Variants in TRIT1 observed in about 807,000 individuals in gnomAD.
The protein encoded by TRIT1 is tRNA dimethylallyltransferase.
A neutral mutation model predicts 51.2 loss-of-function variants in TRIT1; 43 were observed. The observed-to-expected ratio is 0.84, with a 90% CI of 0.66 to 1.08. The LOEUF (loss-of-function observed/expected upper bound fraction) is 1.08, where lower values mean the gene tolerates loss of function less well. Ranked by LOEUF, TRIT1 falls within the 50% of genes least tolerant of loss-of-function variation. The pLI is 0.00. For synonymous variants in TRIT1, 184 were observed against 203.9 expected, an observed-to-expected ratio of 0.90 and a Z score of 0.83; for missense variants, 528 against 578.4, an observed-to-expected ratio of 0.91 and a Z score of 0.89.
At chr1:39,847,320 G>A (rs1642287117) in intron 7 of TRIT1, 23 bp from the exon 8 acceptor site, 2 of 1,608,866 alleles carry the variant, frequency 1.2e-6, no homozygotes, top group Admixed American at 1.7e-5. Flanking sequence ...GTAGATTTAA[G>A]AACATCTAGG....
intron 8 of TRIT1, among the ~76,000 whole-genome samples, chr1:39,846,759 T>C (rs750803575): frequency 1.3e-5 from 2 of 152,226 alleles, no homozygotes; most frequent in Non-Finnish European, 2.9e-5. Flanking sequence ...GCTGTTCAAC[T>C]AAAGTTTCAT....
intron 1 of TRIT1, among the ~76,000 whole-genome samples, chr1:39,865,287 G>C (rs1394450424): frequency 1.3e-5 from 2 of 152,176 alleles, no homozygotes; most frequent in African/African-American, 4.8e-5. Flanking sequence ...ACTGAGGCCA[G>C]CCACTGATCT....
intron 1 of TRIT1, among the ~76,000 whole-genome samples, chr1:39,859,964 T>C (rs1172523442): frequency 6.6e-6 from 1 of 152,230 alleles, no homozygotes; most frequent in Admixed American, 6.5e-5. Context: ...CTTCCTGTAA[T>C]CTGCCTTTAG....
At position 39,841,779 on chromosome 1, in the gene TRIT1, C is replaced by A; in HGVS notation, c.1369G>T (p.Gly457Trp). 6.2e-7 allele frequency: 1 copy of A among 1,613,718 alleles called. No individual in the cohort carries two copies. The highest frequency in any genetic ancestry group is 1.6e-4 in the Middle Eastern group (1 of 6,062). Residue 457 changes from glycine (G) to tryptophan (W), a missense_variant, in exon 11 of 11, where the codon GGG becomes TGG. Gly to Trp is a radical substitution (Grantham distance 184). Coordinates refer to ENST00000316891, the MANE Select transcript of TRIT1 (RefSeq NM_017646.6). ...NKEPKEKGSP[G>W]QNDQELKCSV The stretch of plus-strand genomic sequence containing the variant: ...CATTTCAGCTCTTGATCATTCTGCC[C>A]TGGGGATCCCTTCTCTTTAGGTTCT...
chr1:39,872,179 T>C (rs1273494940), intron 1 of TRIT1, among the ~76,000 whole-genome samples: 1 of 151,266 alleles, frequency 6.6e-6, no homozygotes, highest in Non-Finnish European at 1.5e-5. Flanking sequence ...CCAAAGTGCT[T>C]GGATTAGAGG....
chr1:39,850,533 C>T (rs1336445401), intron 4 of TRIT1, among the ~76,000 whole-genome samples: 3 of 152,160 alleles, frequency 2.0e-5, no homozygotes, highest in South Asian at 4.1e-4. Flanking sequence ...CTCATTTTCA[C>T]TGCATTAAGT....
At chr1:39,862,144 G>A (rs544922732) in intron 1 of TRIT1, among the ~76,000 whole-genome samples, 36 of 151,976 alleles carry the variant, frequency 2.4e-4, no homozygotes, top group African/African-American at 8.4e-4. Context: ...GGGAAAATAG[G>A]GATTTATTGT....
chr1:39,872,752 A>AACACACAC (rs61554657), intron 1 of TRIT1, among the ~76,000 whole-genome samples: 3,955 of 134,996 alleles, frequency 0.029, 162 homozygotes, highest in African/African-American at 0.087. Context: ...GGAAGTACTA[A>AACACACAC]ACACACACAC....
At chr1:39,846,368 C>T (rs1642224837) in intron 8 of TRIT1, among the ~76,000 whole-genome samples, 1 of 150,910 alleles carries the variant, frequency 6.6e-6, no homozygotes, top group African/African-American at 2.4e-5. Context: ...GATTCAGAAG[C>T]ATATTTAAAA....
At chr1:39,881,499 C>T (rs1190476711) in intron 1 of TRIT1, 1 of 152,052 alleles carries the variant, frequency 6.6e-6, no homozygotes, top group Non-Finnish European at 1.5e-5. Flanking sequence ...CTTTTACTAT[C>T]CTACCTACAC....
Position 39,840,368 on chromosome 1 carries a change from T to TA in TRIT1, c.*1375dup, listed in dbSNP as rs1394920277. ...CTACCTTCTCCTCTATGAAGTCTTATATGCATAGGAAACAAAACATTTATC... is the reference window on the plus strand; with the variant it reads ...CTACCTTCTCCTCTATGAAGTCTTATAATGCATAGGAAACAAAACATTTATC... On this transcript the variant is annotated 3_prime_UTR_variant, in exon 11 of 11. Transcript: ENST00000316891. Among the ~76,000 whole-genome samples, 1 of 152,260 alleles carries TA rather than the reference T, an allele frequency of 6.6e-6. No individual in the cohort carries two copies. The highest frequency in any genetic ancestry group is 1.5e-5 in the Non-Finnish European group (1 of 68,048).
At chr1:39,881,227 CAAAAA>C (rs56205358) in intron 1 of TRIT1, among the ~76,000 whole-genome samples, 2 of 80,154 alleles carry the variant, frequency 2.5e-5, no homozygotes, top group Admixed American at 1.2e-4. Context: ...ACTCTGTCTC[CAAAAA>C]AAAAAAAAAA....
intron 1 of TRIT1, among the ~76,000 whole-genome samples, chr1:39,881,296 C>T (rs1344234870): frequency 6.6e-6 from 1 of 151,396 alleles, no homozygotes; most frequent in African/African-American, 2.4e-5. Context: ...TAGGTGTCAT[C>T]AGTGTAACTC....
intron 1 of TRIT1, among the ~76,000 whole-genome samples, chr1:39,871,168 G>A (rs982044769): frequency 6.6e-6 from 1 of 152,012 alleles, no homozygotes; most frequent in Non-Finnish European, 1.5e-5. Flanking sequence ...ACCCCAGCCT[G>A]GGCAACAAGG....
rs1173289718 is a variant in TRIT1 at position 39,839,760 on chromosome 1, A to G, written c.*1984T>C. ...TTTGGTAAAAAAGGCCTGATTTCCA[A>G]TTGCCATAGAGATAACAATGAGTTC... On this transcript the variant is annotated 3_prime_UTR_variant, in exon 11 of 11. Transcript: ENST00000316891. 1.3e-5 allele frequency among the ~76,000 whole-genome samples: 2 copies of G among 152,200 alleles called. No homozygotes were observed. Among genetic ancestry groups the G allele is most frequent in the African/African-American group, 4.8e-5 (2 of 41,454 alleles).
chr1:39,844,997 T>C (rs865867780), intron 8 of TRIT1, among the ~76,000 whole-genome samples: 4 of 152,324 alleles, frequency 2.6e-5, no homozygotes, highest in Middle Eastern at 3.4e-3. Flanking sequence ...CTATTCTAAG[T>C]TCCATATCAT....
chr1:39,866,641 G>A (rs1643571758), intron 1 of TRIT1, among the ~76,000 whole-genome samples: 1 of 152,080 alleles, frequency 6.6e-6, no homozygotes, highest in African/African-American at 2.4e-5. Context: ...TTCAACTGTA[G>A]ATATGCTGAA....
intron 1 of TRIT1, among the ~76,000 whole-genome samples, chr1:39,863,302 CA>C (rs1302572151): frequency 1.3e-5 from 2 of 152,048 alleles, no homozygotes; most frequent in East Asian, 3.9e-4. Context: ...CCATCTCTAC[CA>C]AAAATTTAAA....
chr1:39,866,517 C>T lies in TRIT1; in HGVS notation c.175-9100G>A, dbSNP rs536397776. Among the ~76,000 whole-genome samples, 162 of 152,304 alleles carry T rather than the reference C, an allele frequency of 1.1e-3. 1 individual carries two copies. The highest frequency in any genetic ancestry group is 3.7e-3 in the African/African-American group (154 of 41,564). ...CGGGAAAGGCTGATTTCTTGACTCACTTTACTTTTTTAATTAAAAGAAAAC... is the reference window on the plus strand; with the variant it reads ...CGGGAAAGGCTGATTTCTTGACTCATTTTACTTTTTTAATTAAAAGAAAAC... On this transcript the variant is annotated intron_variant, in intron 1 of 10. Transcript: ENST00000316891.
Sources: allele counts gnomAD v4.1 joint callset (sites outside exome capture counted in the v4.1 genomes callset), GRCh38; gene constraint gnomAD v4.1.1; transcripts MANE v1.5; gene names NCBI Gene and HGNC (gene_info 2026-07-23, HGNC 2026-07-21).